The following AGAP1 variants were observed in gnomAD, a reference collection of about 807,000 sequenced individuals.
The protein encoded by AGAP1 is ArfGAP with GTPase domain, ankyrin repeat and PH domain 1.
A neutral mutation model predicts 105.3 loss-of-function variants in AGAP1; 29 were observed. The ratio of observed to expected loss-of-function variants is 0.28; its 90% confidence interval spans 0.21 to 0.38. The LOEUF is 0.38. Among genes scored for constraint, AGAP1 ranks in the 10% least tolerant of loss-of-function variants. The pLI is 1.00. For synonymous variants in AGAP1, 509 were observed against 485.9 expected (o/e 1.05, Z -0.63); for missense variants, 998 against 1,165.1 (o/e 0.86, Z 2.09).
chr2:235,589,194 G>GTTTGTTTTTTTTTTTTT (rs1945238178), intron 1 of AGAP1, among the ~76,000 whole-genome samples: 1 of 59,584 alleles, frequency 1.7e-5, no homozygotes, highest in Non-Finnish European at 2.9e-5. Context: ...TTATTGTTTT[G>GTTTGTTTTTTTTTTTTT]TTTTTTTTTT....
At chr2:235,780,603 A>G (rs1956202552) in intron 6 of AGAP1, among the ~76,000 whole-genome samples, 1 of 152,224 alleles carries the variant, frequency 6.6e-6, no homozygotes, top group Admixed American at 6.5e-5. Flanking sequence ...AAGCTGTGCA[A>G]CGGTGTAGCT....
chr2:235,858,820 A>T (rs1470996706), intron 9 of AGAP1, among the ~76,000 whole-genome samples: 6 of 152,206 alleles, frequency 3.9e-5, no homozygotes, highest in Non-Finnish European at 7.3e-5. Flanking sequence ...ACACCCAGAG[A>T]TCAGGGGCAT....
At chr2:235,508,134 C>T (rs1574714212) in intron 1 of AGAP1, among the ~76,000 whole-genome samples, 1 of 152,182 alleles carries the variant, frequency 6.6e-6, no homozygotes, top group South Asian at 2.1e-4. Context: ...ATTATGGCTG[C>T]ATAGTACTCC....
chr2:235,773,377 A>G (rs929579890), intron 6 of AGAP1, among the ~76,000 whole-genome samples: 2 of 152,190 alleles, frequency 1.3e-5, no homozygotes, highest in African/African-American at 4.8e-5. Flanking sequence ...GTGGAAAGCA[A>G]CCAATCAAAG....
At chr2:235,909,040 A>C in intron 11 of AGAP1, 134 bp downstream of exon 11, 4 of 879,250 alleles carry the variant, frequency 4.5e-6, no homozygotes, top group Non-Finnish European at 5.1e-6. Context: ...TAGAAACCTG[A>C]TCACTTCTGT....
rs115643813 is a variant in AGAP1, at chr2:235,960,747, C to T, written c.1484-7715C>T. Among the ~76,000 whole-genome samples the T allele has an allele frequency of 6.3e-3, 961 of 152,320 alleles. 7 individuals are homozygous for T. The highest frequency in any genetic ancestry group is 0.022 in the African/African-American group (912 of 41,574). The stretch of plus-strand genomic sequence containing the variant: ...CTTGCCCTTTATTCTCTGACAGCGG[C>T]CAGCTCCTAGGGCACGCTTGGTGCG... On this transcript the variant is annotated intron_variant, in intron 12 of 17. Transcript: ENST00000304032. The surrounding 1 kb of genome is among the most constrained non-coding windows in gnomAD (Gnocchi z 4.9).
In AGAP1 at chr2:235,753,867, A is replaced by G. The variant is rs1030334518; in HGVS notation, c.673+3379A>G. 6.6e-6 allele frequency among the ~76,000 whole-genome samples: 1 copy of G among 152,186 alleles called. No homozygotes were observed. The highest frequency in any genetic ancestry group is 2.4e-5 in the African/African-American group (1 of 41,428). On this transcript the variant is annotated intron_variant, in intron 6 of 17. Transcript: ENST00000304032. The surrounding 1 kb of genome is among the most constrained non-coding windows in gnomAD (Gnocchi z 4.5). ...ACTTTGTATATTTTATATCATAGTT[A>G]TATGGTATATGGTTTCTTATTTGTA...
At chr2:235,829,164 C>T (rs909718275) in intron 9 of AGAP1, among the ~76,000 whole-genome samples, 1 of 152,262 alleles carries the variant, frequency 6.6e-6, no homozygotes, top group Non-Finnish European at 1.5e-5. Flanking sequence ...TGAGGCAGCG[C>T]CTGGCTGACC....
At chr2:235,654,758 G>T (rs1202844136) in intron 1 of AGAP1, among the ~76,000 whole-genome samples, 1 of 152,146 alleles carries the variant, frequency 6.6e-6, no homozygotes, top group East Asian at 1.9e-4. Context: ...GACAGTGCTT[G>T]ATGATAATTT....
In AGAP1 at chr2:235,506,223, G is replaced by A. The variant is rs193229235; in HGVS notation, c.163+11374G>A. 3.9e-5 allele frequency among the ~76,000 whole-genome samples: 6 copies of A among 152,254 alleles called. No homozygotes were observed. The East Asian group carries it at 1.2e-3, about 30-fold the overall frequency. ...TGGGATTACAGGCATGAGCCACTGT[G>A]CCCGGCCCTGTTTTATTTATTTATT... On this transcript the variant is annotated intron_variant, in intron 1 of 17. Transcript: ENST00000304032.
At chr2:236,093,006 T>C (rs1293182416) in intron 16 of AGAP1, among the ~76,000 whole-genome samples, 1 of 152,240 alleles carries the variant, frequency 6.6e-6, no homozygotes, top group Non-Finnish European at 1.5e-5. Context: ...TGGCAGTTTA[T>C]GTGACACATT....
intron 16 of AGAP1, among the ~76,000 whole-genome samples, chr2:236,077,140 A>ATATATAT (rs1239013558): frequency 3.9e-5 from 5 of 127,890 alleles, no homozygotes; most frequent in African/African-American, 9.4e-5. Context: ...AAAAAAAAAA[A>ATATATAT]AAATATATAT....
intron 1 of AGAP1, among the ~76,000 whole-genome samples, chr2:235,604,254 A>C (rs1048480348): frequency 6.6e-6 from 1 of 151,898 alleles, no homozygotes; most frequent in African/African-American, 2.4e-5. Context: ...CCAAGGTGGG[A>C]AGATTGCTTT....
Position 235,712,257 on chromosome 2 carries a change from A to G in AGAP1, c.222+3020A>G, listed in dbSNP as rs1032487809. 2.0e-5 allele frequency among the ~76,000 whole-genome samples: 3 copies of G among 152,220 alleles called. No individual in the cohort carries two copies. The highest frequency in any genetic ancestry group is 4.8e-5 in the African/African-American group (2 of 41,464). ...CTATGCTCAAACTCCTGACCTCGTC[A>G]TCCGCCTGCCTTGGCCTCCCAAAGT... On this transcript the variant is annotated intron_variant, in intron 2 of 17. Transcript: ENST00000304032. The surrounding 1 kb of genome is among the most constrained non-coding windows in gnomAD (Gnocchi z 6.0).
At position 235,789,776 on chromosome 2, in the gene AGAP1, G is replaced by C. The variant is rs1956866186; in HGVS notation, c.674-7983G>C. Among the ~76,000 whole-genome samples, 1 of 152,204 alleles carries C rather than the reference G, an allele frequency of 6.6e-6. No homozygotes were observed. The highest frequency in any genetic ancestry group is 1.5e-5 in the Non-Finnish European group (1 of 68,044). On this transcript the variant is annotated intron_variant, in intron 6 of 17. Coordinates refer to ENST00000304032, the MANE Select transcript of AGAP1 (RefSeq NM_001037131.3). The surrounding 1 kb of genome is among the most constrained non-coding windows in gnomAD (Gnocchi z 4.2). ...TGCTGGCTTGCTTGGGGCATGGCAT[G>C]TCCTAATGACTTACTCGAGCAGTTG...
At chr2:235,658,707 G>T (rs944970015) in intron 1 of AGAP1, among the ~76,000 whole-genome samples, 2 of 152,128 alleles carry the variant, frequency 1.3e-5, no homozygotes, top group Non-Finnish European at 2.9e-5. Flanking sequence ...CAGGAACTCT[G>T]GAAGGAAACG....
chr2:235,548,957 A>G (rs1429307903), intron 1 of AGAP1, among the ~76,000 whole-genome samples: 1 of 152,154 alleles, frequency 6.6e-6, no homozygotes, highest in African/African-American at 2.4e-5. Flanking sequence ...CCTTACAGAA[A>G]AAGCATCTGT....
In AGAP1 at chr2:235,600,330, A is replaced by G. The variant is rs529756793; in HGVS notation, c.163+105481A>G. Among the ~76,000 whole-genome samples the G allele has an allele frequency of 6.6e-6, 1 of 152,074 alleles. No individual in the cohort carries two copies. Among genetic ancestry groups the G allele is most frequent in the East Asian group, 1.9e-4 (1 of 5,142 alleles). On this transcript the variant is annotated intron_variant, in intron 1 of 17. Coordinates refer to ENST00000304032, the MANE Select transcript of AGAP1 (RefSeq NM_001037131.3). This position sits in a 1 kb window ranked among gnomAD's most constrained non-coding sequence, Gnocchi z 4.8. ...GGCACTACCTTTTCAGCCTGCATGG[A>G]CTGTGCTGGAAACACTCAGTAGCAA... is the stretch of plus-strand genomic sequence containing the variant.
At position 235,566,686 on chromosome 2, in the gene AGAP1, G is replaced by A. The variant is rs1944357076; in HGVS notation, c.163+71837G>A. 1 of 811,160 alleles carries A rather than the reference G, an allele frequency of 1.2e-6. No homozygotes were observed. The highest frequency in any genetic ancestry group is 5.6e-5 in the South Asian group (1 of 17,782). The allele number at this position is 811,160 out of a possible 1,614,324, so 50.2% of individuals were successfully genotyped here. Reference sequence around the variant, plus strand: ...AGCCGGGACCGGGGAGAGGCTGTTCGAGGAACACAGGATGCATATTCAGGC... The same window carrying A: ...AGCCGGGACCGGGGAGAGGCTGTTCAAGGAACACAGGATGCATATTCAGGC... On this transcript the variant is annotated intron_variant, in intron 1 of 17. Transcript: ENST00000304032. This position sits in a 1 kb window ranked among gnomAD's most constrained non-coding sequence, Gnocchi z 5.2.
Sources: allele counts gnomAD v4.1 joint callset (sites outside exome capture counted in the v4.1 genomes callset), GRCh38; gene constraint gnomAD v4.1.1; non-coding constraint Gnocchi (gnomAD v3.1); transcripts MANE v1.5; gene names NCBI Gene and HGNC (gene_info 2026-07-23, HGNC 2026-07-21).